The following ICOS variants were observed in gnomAD, a reference collection of about 807,000 sequenced individuals.
The protein encoded by ICOS is inducible T-cell costimulator.
A neutral mutation model predicts 24.6 loss-of-function variants in ICOS; 15 were observed. That is an observed-to-expected ratio of 0.61 (90% confidence interval 0.41 to 0.94). ICOS has a LOEUF of 0.94. ICOS is among the 40% of genes least tolerant of loss of function. ICOS has a pLI of 0.00. For missense variants in ICOS, 200 were observed against 233.0 expected, an observed-to-expected ratio of 0.86 and a Z score of 0.92; for synonymous variants, 89 against 77.5, an observed-to-expected ratio of 1.15 and a Z score of -0.78.
chr2:203,961,438 C>G lies in ICOS; in HGVS notation c.*1839C>G, dbSNP rs1332490364. On this transcript the variant is annotated 3_prime_UTR_variant, in exon 5 of 5. Transcript: ENST00000316386. ...TGCCTCGACACATCCTCATCCCCAGCATGGGACACCTCAAGATGAATAATA... is the reference window on the plus strand; with the variant it reads ...TGCCTCGACACATCCTCATCCCCAGGATGGGACACCTCAAGATGAATAATA... 1 of 161,848 alleles carries G rather than the reference C, an allele frequency of 6.2e-6. No homozygotes were observed. The highest frequency in any genetic ancestry group is 1.3e-5 in the Non-Finnish European group (1 of 74,100). The allele number at this position is 161,848 out of a possible 1,614,324, so 10.0% of individuals were successfully genotyped here.
At position 203,955,729 on chromosome 2, in the gene ICOS, T is replaced by A. The variant is rs769205363; in HGVS notation, c.152T>A (p.Phe51Tyr). ...AAATATCCTGACATTGTCCAGCAAT[T>A]TAAAATGCAGTTGCTGAAAGGGGGG... Reference protein sequence around the residue: ...LCKYPDIVQQFKMQLLKGGQI... With the variant: ...LCKYPDIVQQYKMQLLKGGQI... The change falls in exon 2 of 5, where the codon TTT (phenylalanine) becomes TAT (tyrosine). Residue 51 changes from phenylalanine (F) to tyrosine (Y), a missense_variant. Transcript: ENST00000316386. The A allele has an allele frequency of 3.1e-6, 5 of 1,613,746 alleles. No homozygotes were observed. Among genetic ancestry groups the A allele is most frequent in the South Asian group, 2.2e-5 (2 of 91,074 alleles).
At chr2:203,938,794 A>T (rs1199725171) in intron 1 of ICOS, among the ~76,000 whole-genome samples, 1 of 152,252 alleles carries the variant, frequency 6.6e-6, no homozygotes, top group African/African-American at 2.4e-5. Context: ...TATTCATCGT[A>T]GATTCTAAAT....
At chr2:203,958,024 T>C in intron 4 of ICOS, 141 bp downstream of exon 4, 1 of 622,510 alleles carries the variant, frequency 1.6e-6, no homozygotes, top group Non-Finnish European at 2.9e-6. Context: ...AAAATCTGGA[T>C]TTCTCACTTT....
At chr2:203,959,294 C>T (rs760613086) in intron 4 of ICOS, among the ~76,000 whole-genome samples, 2 of 152,156 alleles carry the variant, frequency 1.3e-5, no homozygotes, top group Admixed American at 6.5e-5. Flanking sequence ...GCCCATGCAG[C>T]GCTTTCTGCC....
At chr2:203,944,298 C>T (rs1048882281) in intron 1 of ICOS, among the ~76,000 whole-genome samples, 2 of 152,188 alleles carry the variant, frequency 1.3e-5, no homozygotes, top group East Asian at 3.9e-4. Context: ...CTTGGGGACC[C>T]ATTGAGCTCC....
At chr2:203,951,611 A>C (rs1689974759) in intron 1 of ICOS, among the ~76,000 whole-genome samples, 1 of 152,136 alleles carries the variant, frequency 6.6e-6, no homozygotes, top group Non-Finnish European at 1.5e-5. Context: ...ACAATGGGGG[A>C]AAAATCTGCT....
chr2:203,956,882 C>A, intron 3 of ICOS, 117 bp downstream of exon 3: 2 of 735,902 alleles, frequency 2.7e-6, no homozygotes, highest in Non-Finnish European at 4.9e-6. Flanking sequence ...GGAGACAATT[C>A]CTTCCCCCCA....
chr2:203,952,010 GC>G (rs1689986473), intron 1 of ICOS, among the ~76,000 whole-genome samples: 1 of 151,692 alleles, frequency 6.6e-6, no homozygotes, highest in Admixed American at 6.6e-5. Flanking sequence ...CCTTCTGTAT[GC>G]TTTTAAACAT....
At chr2:203,939,308 A>T (rs1689722057) in intron 1 of ICOS, among the ~76,000 whole-genome samples, 2 of 152,168 alleles carry the variant, frequency 1.3e-5, no homozygotes, top group Admixed American at 6.5e-5. Flanking sequence ...GTGAATTAAG[A>T]AGGATGGGAA....
intron 3 of ICOS, among the ~76,000 whole-genome samples, chr2:203,957,027 A>T (rs1690089221): frequency 6.6e-6 from 1 of 152,182 alleles, no homozygotes; most frequent in African/African-American, 2.4e-5. Context: ...TTCAAACTAG[A>T]TGAGGAAATT....
At chr2:203,938,042 A>G (rs995277338) in intron 1 of ICOS, among the ~76,000 whole-genome samples, 1 of 152,258 alleles carries the variant, frequency 6.6e-6, no homozygotes, top group African/African-American at 2.4e-5. Context: ...ACTGTGCCAG[A>G]TGGTGTATGT....
At chr2:203,949,430 C>T (rs2105749954) in intron 1 of ICOS, among the ~76,000 whole-genome samples, 1 of 152,314 alleles carries the variant, frequency 6.6e-6, no homozygotes, top group Non-Finnish European at 1.5e-5. Context: ...ATAATTTAAT[C>T]TGTCTGGGCC....
intron 1 of ICOS, among the ~76,000 whole-genome samples, chr2:203,948,852 G>A (rs1689917738): frequency 6.6e-6 from 1 of 152,202 alleles, no homozygotes; most frequent in African/African-American, 2.4e-5. Flanking sequence ...GAAATTAAAA[G>A]CCCTGGGAAC....
At chr2:203,947,634 C>G (rs1254243996) in intron 1 of ICOS, among the ~76,000 whole-genome samples, 3 of 152,172 alleles carry the variant, frequency 2.0e-5, no homozygotes, top group Admixed American at 6.5e-5. Context: ...CAGCAGTTAA[C>G]AGTCTTGAGC....
intron 1 of ICOS, among the ~76,000 whole-genome samples, chr2:203,942,232 C>T (rs1371419504): frequency 6.6e-6 from 1 of 152,138 alleles, no homozygotes; most frequent in African/African-American, 2.4e-5. Context: ...CATGCAAAAA[C>T]AACAATAACA....
chr2:203,946,450 A>G (rs1198781699), intron 1 of ICOS, among the ~76,000 whole-genome samples: 1 of 136,174 alleles, frequency 7.3e-6, no homozygotes, highest in Admixed American at 7.5e-5. Flanking sequence ...TCCAAATGTT[A>G]GGCATTTAGG....
At chr2:203,940,055 G>A (rs1689735888) in intron 1 of ICOS, among the ~76,000 whole-genome samples, 1 of 152,060 alleles carries the variant, frequency 6.6e-6, no homozygotes, top group African/African-American at 2.4e-5. Context: ...AATTTGGAAG[G>A]TCGACTACAG....
intron 1 of ICOS, among the ~76,000 whole-genome samples, chr2:203,948,270 A>G (rs10932034): frequency 0.65 from 99,073 of 152,074 alleles, 35,127 homozygotes; most frequent in South Asian, 0.78. Context: ...AAGCAATAAT[A>G]TGGCATAGCT....
intron 4 of ICOS, 120 bp from the exon 5 acceptor site, chr2:203,959,466 G>GTT: frequency 1.3e-6 from 1 of 796,632 alleles, no homozygotes; most frequent in Non-Finnish European, 2.3e-6. Context: ...GTGTGTGTGT[G>GTT]TGTGTGTGTG....
Sources: allele counts gnomAD v4.1 joint callset (sites outside exome capture counted in the v4.1 genomes callset), GRCh38; gene constraint gnomAD v4.1.1; transcripts MANE v1.5; gene names NCBI Gene and HGNC (gene_info 2026-07-23, HGNC 2026-07-21).